The following BOLL variants were observed in gnomAD, a reference collection of about 807,000 sequenced individuals.
BOLL encodes protein boule-like.
A neutral mutation model predicts 44.4 loss-of-function variants in BOLL; 23 were observed. The observed-to-expected ratio is 0.52, with a 90% CI of 0.37 to 0.73. The LOEUF is 0.73. Among genes scored for constraint, BOLL ranks in the 30% least tolerant of loss-of-function variants. The pLI, the probability that BOLL is intolerant of heterozygous loss-of-function variation, is 0.00. For missense variants in BOLL, 287 were observed against 338.3 expected (o/e 0.85, Z 1.19); for synonymous variants, 97 against 110.8 (o/e 0.88, Z 0.78).
intron 6 of BOLL, among the ~76,000 whole-genome samples, chr2:197,769,367 A>C (rs1367468666): frequency 6.6e-6 from 1 of 152,054 alleles, no homozygotes; most frequent in Non-Finnish European, 1.5e-5. Context: ...CAGAGATTCA[A>C]CTTCTTCCTG....
intron 6 of BOLL, among the ~76,000 whole-genome samples, chr2:197,771,649 G>A (rs1314658428): frequency 6.6e-6 from 1 of 151,966 alleles, no homozygotes; most frequent in Admixed American, 6.6e-5. Context: ...GGAAGTGGGG[G>A]TAAGGAGAAT....
chr2:197,776,574 G>A (rs1490106858), intron 4 of BOLL, among the ~76,000 whole-genome samples: 3 of 151,828 alleles, frequency 2.0e-5, no homozygotes, highest in Admixed American at 1.3e-4. Flanking sequence ...AGAATTGACT[G>A]TATTTGATTT....
intron 7 of BOLL, chr2:197,759,118 TA>T: frequency 1.2e-6 from 1 of 804,574 alleles, no homozygotes; most frequent in South Asian, 1.6e-5. Context: ...AGGCAAAGAA[TA>T]AACAGCTACA....
At chr2:197,751,071 C>G (rs554934691) in intron 9 of BOLL, among the ~76,000 whole-genome samples, 1 of 152,060 alleles carries the variant, frequency 6.6e-6, no homozygotes, top group African/African-American at 2.4e-5. Context: ...GAAATTAAGG[C>G]GGAAATAAAT....
rs113779192 is a variant in BOLL at position 197,748,212 on chromosome 2, G to C, written c.730-5053C>G. Among the ~76,000 whole-genome samples the C allele has an allele frequency of 6.1e-3, 923 of 152,298 alleles. 16 individuals are homozygous for C. Among genetic ancestry groups the C allele is most frequent in the African/African-American group, 0.021 (863 of 41,550 alleles). ...CAGTGATATCTGGCTCAGATACTAC[G>C]CTTTTCCCATGGCTTTTGCACCTGC... On this transcript the variant is annotated intron_variant, in intron 9 of 10. Coordinates refer to ENST00000392296, the MANE Select transcript of BOLL (RefSeq NM_033030.6).
At chr2:197,746,758 G>A (rs868094681) in intron 9 of BOLL, among the ~76,000 whole-genome samples, 10 of 151,984 alleles carry the variant, frequency 6.6e-5, no homozygotes, top group Admixed American at 1.3e-4. Context: ...AAATTAGCCC[G>A]GCATGGTGGT....
At chr2:197,776,289 A>G (rs561582825) in intron 4 of BOLL, among the ~76,000 whole-genome samples, 1 of 151,934 alleles carries the variant, frequency 6.6e-6, no homozygotes, top group Admixed American at 6.6e-5. Flanking sequence ...CATAGGCATT[A>G]TGGAGAATAT....
intron 10 of BOLL, among the ~76,000 whole-genome samples, chr2:197,739,207 T>C (rs1420245254): frequency 6.6e-6 from 1 of 152,148 alleles, no homozygotes; most frequent in East Asian, 1.9e-4. Flanking sequence ...CAGTTTTGAC[T>C]TTGGAAGTCT....
intron 9 of BOLL, among the ~76,000 whole-genome samples, chr2:197,747,304 C>A (rs1688030013): frequency 1.3e-5 from 2 of 151,838 alleles, no homozygotes; most frequent in South Asian, 2.1e-4. Flanking sequence ...GTGGGGCAGG[C>A]CAGGCGCAGT....
At chr2:197,729,432 G>T (rs1462255325) in intron 10 of BOLL, among the ~76,000 whole-genome samples, 1 of 152,216 alleles carries the variant, frequency 6.6e-6, no homozygotes, top group Non-Finnish European at 1.5e-5. Flanking sequence ...AAACAAAGCA[G>T]CTGGGAAGCT....
intron 10 of BOLL, among the ~76,000 whole-genome samples, chr2:197,740,916 A>T (rs943805882): frequency 1.3e-5 from 2 of 152,196 alleles, no homozygotes; most frequent in Admixed American, 6.5e-5. Context: ...AGGTAGCGTG[A>T]TACCTCCGGC....
At chr2:197,742,345 C>T (rs1687781024) in intron 10 of BOLL, among the ~76,000 whole-genome samples, 1 of 152,110 alleles carries the variant, frequency 6.6e-6, no homozygotes, top group Admixed American at 6.6e-5. Flanking sequence ...AATCATGCTG[C>T]TATAAAGACA....
intron 1 of BOLL, among the ~76,000 whole-genome samples, chr2:197,784,387 AATACATATATATATATATATAT>A (rs1322578282): frequency 2.1e-5 from 2 of 94,450 alleles, no homozygotes; most frequent in African/African-American, 9.4e-5. Flanking sequence ...ACAGCAGTCT[AATACATATATATATATATATAT>A]ATATATATAT....
At chr2:197,758,542 T>A (rs1438480814) in intron 7 of BOLL, among the ~76,000 whole-genome samples, 4 of 152,192 alleles carry the variant, frequency 2.6e-5, no homozygotes, top group Non-Finnish European at 5.9e-5. Context: ...TCATCTACTG[T>A]AGCACAAAAA....
chr2:197,734,571 A>C (rs1430516237), intron 10 of BOLL, among the ~76,000 whole-genome samples: 1 of 152,194 alleles, frequency 6.6e-6, no homozygotes, highest in Non-Finnish European at 1.5e-5. Context: ...AATGTCCAAC[A>C]ATGATAGAGT....
At chr2:197,740,866 T>C (rs978684319) in intron 10 of BOLL, among the ~76,000 whole-genome samples, 3 of 152,158 alleles carry the variant, frequency 2.0e-5, no homozygotes, top group African/African-American at 7.2e-5. Context: ...AATTGTACAC[T>C]TAACAATGGT....
chr2:197,728,957 T>G (rs920108504), intron 10 of BOLL, among the ~76,000 whole-genome samples: 1 of 152,154 alleles, frequency 6.6e-6, no homozygotes, highest in African/African-American at 2.4e-5. Context: ...TTTAGAACGC[T>G]GTCCAGGGGA....
At position 197,778,960 on chromosome 2, in the gene BOLL, T is replaced by C; in HGVS notation, c.221+15A>G. ...AGAGTTGCTAATTCCATAGACAATC[T>C]ATAGTGATACTAACCCTTTGGATAC... is the stretch of plus-strand genomic sequence containing the variant. On this transcript the variant is annotated intron_variant, in intron 3 of 10. Transcript: ENST00000392296. 6.3e-7 allele frequency: 1 copy of C among 1,593,994 alleles called. No individual in the cohort carries two copies. Among genetic ancestry groups the C allele is most frequent in the Non-Finnish European group, 8.6e-7 (1 of 1,165,228 alleles).
intron 5 of BOLL, among the ~76,000 whole-genome samples, chr2:197,775,139 T>C (rs988414712): frequency 1.2e-4 from 18 of 151,752 alleles, no homozygotes; most frequent in Non-Finnish European, 2.4e-4. Flanking sequence ...ATTGAAAGCA[T>C]TAGAGAAATT....
Sources: allele counts gnomAD v4.1 joint callset (sites outside exome capture counted in the v4.1 genomes callset), GRCh38; gene constraint gnomAD v4.1.1; transcripts MANE v1.5; gene names NCBI Gene and HGNC (gene_info 2026-07-23, HGNC 2026-07-21).